TMEM44: variants seen among roughly 807,000 people sequenced by gnomAD.
TMEM44 encodes the protein transmembrane protein 44.
In TMEM44, 43 loss-of-function variants were observed where a neutral mutation model predicts 47.8. That is an observed-to-expected ratio of 0.90 (90% CI 0.70 to 1.16). The LOEUF (loss-of-function observed/expected upper bound fraction) is 1.16, where lower values mean the gene tolerates loss of function less well. Among genes scored for constraint, TMEM44 ranks in the 50% most tolerant of loss-of-function variants. The pLI is 0.00. For missense variants in TMEM44, 568 were observed against 555.2 expected (o/e 1.02, Z -0.23); for synonymous variants, 277 against 238.8 (o/e 1.16, Z -1.48).
In TMEM44 at chr3:194,623,658, G is replaced by A. The variant is rs746388575; in HGVS notation, c.396C>T (p.Leu132=). ...GGGCCAGGGCAAACACACTGGCCCT[G>A]AGCTGCCGCCTCCTCTTCCTCTCTC... is the stretch of plus-strand genomic sequence containing the variant. The part of the protein sequence containing the change: ...EARERKRRRQ[L]RASVFALALP... The change falls in exon 4 of 10, where the codon CTC becomes CTT. Residue 132 remains leucine, a synonymous_variant. Coordinates refer to ENST00000347147, the MANE Select transcript of TMEM44 (RefSeq NM_001011655.3). 1.4e-5 allele frequency: 23 copies of A among 1,613,216 alleles called. No individual in the cohort carries two copies. The highest frequency in any genetic ancestry group is 2.5e-6 in the Non-Finnish European group (3 of 1,179,968).
intron 7 of TMEM44, among the ~76,000 whole-genome samples, chr3:194,612,137 A>G (rs761119204): frequency 1.3e-5 from 2 of 152,186 alleles, no homozygotes; most frequent in Non-Finnish European, 2.9e-5. Context: ...CATTTCTCAC[A>G]GTTTCCCAGG....
At chr3:194,615,800 C>T in intron 6 of TMEM44, 103 bp from the exon 7 acceptor site, 2 of 1,439,208 alleles carry the variant, frequency 1.4e-6, no homozygotes, top group Non-Finnish European at 1.9e-6. Context: ...CACTCACCTA[C>T]TCTCCTCCCT....
At chr3:194,612,753 CT>C (rs1251789939) in intron 7 of TMEM44, among the ~76,000 whole-genome samples, 3 of 152,178 alleles carry the variant, frequency 2.0e-5, no homozygotes, top group African/African-American at 7.2e-5. Context: ...CAAGCTCCGC[CT>C]TCTGGGTTCA....
intron 9 of TMEM44, among the ~76,000 whole-genome samples, chr3:194,591,823 TCTC>T (rs1006576240): frequency 2.0e-5 from 3 of 151,926 alleles, no homozygotes; most frequent in African/African-American, 7.2e-5. Context: ...GCCAGACTGG[TCTC>T]CAACTCCTGA....
chr3:194,609,839 C>A (rs556826068), intron 8 of TMEM44, among the ~76,000 whole-genome samples: 4 of 152,258 alleles, frequency 2.6e-5, no homozygotes, highest in African/African-American at 9.6e-5. Flanking sequence ...CTCCTCTCCC[C>A]CAGGCCACCC....
intron 7 of TMEM44, among the ~76,000 whole-genome samples, chr3:194,613,157 T>G (rs1432068228): frequency 6.6e-6 from 1 of 152,044 alleles, no homozygotes. Context: ...TAAACAACAC[T>G]TATTTTTTAT....
At position 194,633,194 on chromosome 3, in the gene TMEM44, C is replaced by T. The variant is rs530870397; in HGVS notation, c.22G>A (p.Ala8Thr). The change falls in exon 1 of 10, where the codon GCG (alanine) becomes ACG (threonine). Residue 8 changes from alanine (A) to threonine (T), a missense_variant. Physicochemically the swap from Ala to Thr is moderately conservative, Grantham distance 58. Coordinates refer to ENST00000347147, the MANE Select transcript of TMEM44 (RefSeq NM_001011655.3). MGEAPSP[A>T]PALWDWDYLD... is the part of the protein sequence containing the mutation. ...TAGTCCCAGTCCCAGAGCGCGGGCGCGGGGCTGGGCGCCTCCCCCATGGCG... is the reference window on the plus strand; with the variant it reads ...TAGTCCCAGTCCCAGAGCGCGGGCGTGGGGCTGGGCGCCTCCCCCATGGCG... 4.7e-6 allele frequency: 7 copies of T among 1,500,008 alleles called. No individual in the cohort carries two copies. The African/African-American group carries it at 1.0e-4, about 22-fold the overall frequency. The allele number at this position is 1,500,008 out of a possible 1,614,324, so 92.9% of individuals were successfully genotyped here.
At chr3:194,607,632 T>G (rs142830627) in intron 8 of TMEM44, among the ~76,000 whole-genome samples, 1 of 152,284 alleles carries the variant, frequency 6.6e-6, no homozygotes, top group African/African-American at 2.4e-5. Flanking sequence ...GCCCCCAGTT[T>G]CCTTATCTGT....
intron 1 of TMEM44, among the ~76,000 whole-genome samples, chr3:194,631,289 C>A (rs576667731): frequency 6.6e-6 from 1 of 152,242 alleles, no homozygotes; most frequent in African/African-American, 2.4e-5. Context: ...TCGTACCTGC[C>A]TCCTTGCTAC....
intron 9 of TMEM44, among the ~76,000 whole-genome samples, chr3:194,603,657 C>T (rs1714414879): frequency 6.6e-6 from 1 of 152,090 alleles, no homozygotes; most frequent in South Asian, 2.1e-4. Flanking sequence ...CTTGGCCTCT[C>T]AAAGTGCTGG....
chr3:194,605,807 G>A (rs572614348), intron 8 of TMEM44, among the ~76,000 whole-genome samples: 1 of 152,192 alleles, frequency 6.6e-6, no homozygotes, highest in African/African-American at 2.4e-5. Context: ...CCTCCAGTGA[G>A]GGGGTGTCAT....
At chr3:194,609,092 C>G (rs1272589331) in intron 8 of TMEM44, among the ~76,000 whole-genome samples, 1 of 152,182 alleles carries the variant, frequency 6.6e-6, no homozygotes, top group Non-Finnish European at 1.5e-5. Flanking sequence ...ACTGCAAAGA[C>G]AGTGCGTCAT....
In TMEM44 at chr3:194,591,945, G is replaced by A. The variant is rs146888554; in HGVS notation, c.1177-3306C>T. Among the ~76,000 whole-genome samples, 77 of 152,252 alleles carry A rather than the reference G, an allele frequency of 5.1e-4. No individual in the cohort carries two copies. The East Asian group carries it at 0.014, about 29-fold the overall frequency. On this transcript the variant is annotated intron_variant, in intron 9 of 9. Coordinates refer to ENST00000347147, the MANE Select transcript of TMEM44 (RefSeq NM_001011655.3). ...TTATAATAAAATCATTGGGCCAGGC[G>A]TGGTGGCTCACGCCTGTAATCCCAG... is the stretch of plus-strand genomic sequence containing the variant.
At chr3:194,601,094 T>C (rs922955496) in intron 9 of TMEM44, among the ~76,000 whole-genome samples, 6 of 152,068 alleles carry the variant, frequency 3.9e-5, no homozygotes, top group Admixed American at 2.6e-4. Flanking sequence ...AAAGCGTTCA[T>C]TTCCACTTGC....
At chr3:194,626,140 A>G (rs1231335973) in intron 2 of TMEM44, 150 bp from the exon 3 acceptor site, 5 of 632,364 alleles carry the variant, frequency 7.9e-6, no homozygotes, top group Admixed American at 2.4e-5. Flanking sequence ...CCAACCCCGG[A>G]AAAGTCCATT....
At chr3:194,592,216 C>T (rs1052423726) in intron 9 of TMEM44, among the ~76,000 whole-genome samples, 2 of 109,870 alleles carry the variant, frequency 1.8e-5, no homozygotes, top group African/African-American at 6.5e-5. Context: ...CAGAGCGAGA[C>T]TCCGTCTCAA....
chr3:194,594,167 A>ATCTGTCTG (rs1713126830), intron 9 of TMEM44, among the ~76,000 whole-genome samples: 1 of 46,954 alleles, frequency 2.1e-5, no homozygotes, highest in Non-Finnish European at 6.9e-5. Context: ...ATCTATCTAT[A>ATCTGTCTG]TCTATCTATC....
In TMEM44 at chr3:194,588,241, G is replaced by A. The variant is rs6765455; in HGVS notation, c.*288C>T. The A allele has an allele frequency of 0.14, 52,047 of 367,554 alleles. 4,239 individuals are homozygous for A. Among genetic ancestry groups the A allele is most frequent in the East Asian group, 0.24 (4,484 of 18,534 alleles). The allele number at this position is 367,554 out of a possible 1,614,324, so 22.8% of individuals were successfully genotyped here. A position where few individuals can be genotyped will look rare whatever the true frequency, so the allele number is the denominator to read the frequency against. On this transcript the variant is annotated 3_prime_UTR_variant, in exon 10 of 10. Transcript: ENST00000347147. ...CTCAAGGGAATGAAGGGAAAAGGAA[G>A]AGCGGGTCTGAGATCCTTTGGATTA...
chr3:194,611,016 A>T lies in TMEM44; in HGVS notation c.917T>A (p.Leu306Ter), dbSNP rs766555568. 7.4e-6 allele frequency: 12 copies of T among 1,613,546 alleles called. No homozygotes were observed. In the Admixed American group the frequency reaches 1.0e-4, roughly 13 times the overall value. ...CAGTGTGGTGAGAGGCACCCAATCC[A>T]AATTCTTGCAAGTAGAGGCAGGGAG... Reference protein sequence around the residue: ...AEKEEENQENLDWVPLTTLSH... With the variant: ...AEKEEENQEN Residue 306 changes from leucine to a stop codon, truncating the protein, a stop_gained, in exon 8 of 10, where the codon TTG becomes TAG. Coordinates refer to ENST00000347147, the MANE Select transcript of TMEM44 (RefSeq NM_001011655.3). LOFTEE classifies it high-confidence loss of function. This position sits in a 1 kb window ranked among gnomAD's most constrained non-coding sequence, Gnocchi z 4.2.
Sources: allele counts gnomAD v4.1 joint callset (sites outside exome capture counted in the v4.1 genomes callset), GRCh38; gene constraint gnomAD v4.1.1; non-coding constraint Gnocchi (gnomAD v3.1); transcripts MANE v1.5; gene names NCBI Gene and HGNC (gene_info 2026-07-23, HGNC 2026-07-21).